The following KIAA1328 variants were observed in gnomAD, a reference collection of about 807,000 sequenced individuals.
KIAA1328 encodes KIAA1328.
KIAA1328 carries 52 observed loss-of-function variants against 68.1 expected under a neutral mutation model. The ratio of observed to expected loss-of-function variants is 0.76; its 90% CI spans 0.61 to 0.96. KIAA1328 has a LOEUF of 0.96. KIAA1328 is among the 40% of genes least tolerant of loss of function. The probability of loss-of-function intolerance (pLI) is 0.00; values close to 1 mark genes in which losing one functional copy is unlikely to be tolerated. For missense variants in KIAA1328, 641 were observed against 677.6 expected (o/e 0.95, Z 0.60); for synonymous variants, 232 against 239.4 (o/e 0.97, Z 0.28).
At chr18:37,039,953 G>A (rs956776024) in intron 6 of KIAA1328, among the ~76,000 whole-genome samples, 2 of 152,078 alleles carry the variant, frequency 1.3e-5, no homozygotes, top group Non-Finnish European at 2.9e-5. Flanking sequence ...TGCAATGTAG[G>A]GCTGAGGTCT....
chr18:36,994,096 G>T (rs1463649664), intron 6 of KIAA1328, among the ~76,000 whole-genome samples: 2 of 151,962 alleles, frequency 1.3e-5, no homozygotes, highest in Non-Finnish European at 2.9e-5. Flanking sequence ...TCCATTTCAA[G>T]AAAATTTATA....
At chr18:37,219,332 A>G (rs1014951073) in intron 9 of KIAA1328, among the ~76,000 whole-genome samples, 1 of 152,314 alleles carries the variant, frequency 6.6e-6, no homozygotes, top group South Asian at 2.1e-4. Context: ...GAGGTCAAAC[A>G]CCATGCTGGG....
At chr18:36,846,358 A>G (rs1045381312) in intron 4 of KIAA1328, among the ~76,000 whole-genome samples, 1 of 151,626 alleles carries the variant, frequency 6.6e-6, no homozygotes, top group Non-Finnish European at 1.5e-5. Flanking sequence ...ATTACAAGAC[A>G]TAACCTTTTT....
At chr18:36,872,336 C>T (rs539901667) in intron 4 of KIAA1328, among the ~76,000 whole-genome samples, 1 of 152,026 alleles carries the variant, frequency 6.6e-6, no homozygotes, top group Non-Finnish European at 1.5e-5. Flanking sequence ...TCACCTCAAC[C>T]AGGACCCCCA....
chr18:36,845,079 T>A (rs1448026594), intron 4 of KIAA1328, among the ~76,000 whole-genome samples: 1 of 151,770 alleles, frequency 6.6e-6, no homozygotes, highest in African/African-American at 2.4e-5. Context: ...TTAAAAAGAC[T>A]GAAGTTAAAA....
At chr18:37,079,741 G>T (rs940833576) in intron 7 of KIAA1328, among the ~76,000 whole-genome samples, 2 of 151,970 alleles carry the variant, frequency 1.3e-5, no homozygotes, top group East Asian at 1.9e-4. Context: ...ACAAAAATTA[G>T]CCAGGCATGG....
intron 7 of KIAA1328, among the ~76,000 whole-genome samples, chr18:37,151,433 T>C (rs538484994): frequency 6.6e-6 from 1 of 152,180 alleles, no homozygotes; most frequent in East Asian, 1.9e-4. Flanking sequence ...ATTCTGAAAT[T>C]TATATGGAAA....
chr18:37,010,646 ATGGAGATAAGCATTGTC>A (rs2053948765), intron 6 of KIAA1328, among the ~76,000 whole-genome samples: 1 of 152,074 alleles, frequency 6.6e-6, no homozygotes, highest in South Asian at 2.1e-4. Flanking sequence ...AGGGAAGGTG[ATGGAGATAAGCATTGTC>A]TGTACTGTGG....
At chr18:36,946,055 A>G (rs1345696552) in intron 5 of KIAA1328, among the ~76,000 whole-genome samples, 2 of 152,168 alleles carry the variant, frequency 1.3e-5, no homozygotes, top group East Asian at 3.9e-4. Context: ...TGCCCAAAAC[A>G]TTTCAGAGTT....
At chr18:37,008,370 G>T (rs1333291871) in intron 6 of KIAA1328, among the ~76,000 whole-genome samples, 1 of 152,220 alleles carries the variant, frequency 6.6e-6, no homozygotes, top group African/African-American at 2.4e-5. Context: ...GAAAGAACTC[G>T]TGGTGTAAAC....
intron 9 of KIAA1328, among the ~76,000 whole-genome samples, chr18:37,204,296 C>G (rs576962370): frequency 7.2e-5 from 11 of 152,082 alleles, no homozygotes; most frequent in Non-Finnish European, 1.5e-4. Flanking sequence ...AGAAAACATG[C>G]CTATTTTATT....
At chr18:36,944,672 G>C (rs2050836153) in intron 5 of KIAA1328, among the ~76,000 whole-genome samples, 1 of 152,154 alleles carries the variant, frequency 6.6e-6, no homozygotes, top group East Asian at 1.9e-4. Context: ...GATGGGTAAA[G>C]AAAAGGATAT....
At chr18:37,215,834 T>C (rs148785654) in intron 9 of KIAA1328, among the ~76,000 whole-genome samples, 3,583 of 152,320 alleles carry the variant, frequency 0.024, 124 homozygotes, top group African/African-American at 0.08. Context: ...GAGCCTGTTA[T>C]TGGTCTATTC....
At chr18:36,879,420 A>G (rs968283679) in intron 4 of KIAA1328, among the ~76,000 whole-genome samples, 12 of 152,290 alleles carry the variant, frequency 7.9e-5, no homozygotes, top group Admixed American at 5.2e-4. Flanking sequence ...GGCACCTGCC[A>G]GATGCCAGTC....
rs150151558 is a variant in KIAA1328 at position 36,849,500 on chromosome 18, A to G, written c.332+5198A>G. 3.3e-5 allele frequency among the ~76,000 whole-genome samples: 5 copies of G among 152,098 alleles called. No individual in the cohort carries two copies. The East Asian group carries it at 7.7e-4, about 23-fold the overall frequency. On this transcript the variant is annotated intron_variant, in intron 4 of 9. Transcript: ENST00000280020. ...GATTTGCTGACTCTGGTTATTCTAT[A>G]TAACTGGAATTATAGAATATGGGGC...
At chr18:37,004,609 G>C (rs1442973001) in intron 6 of KIAA1328, among the ~76,000 whole-genome samples, 1 of 152,028 alleles carries the variant, frequency 6.6e-6, no homozygotes, top group Non-Finnish European at 1.5e-5. Flanking sequence ...ATGGATGTTG[G>C]TGTGGATGCA....
intron 6 of KIAA1328, among the ~76,000 whole-genome samples, chr18:36,994,121 A>C (rs1356026188): frequency 1.3e-5 from 2 of 152,192 alleles, no homozygotes; most frequent in Non-Finnish European, 2.9e-5. Context: ...GTAGTAGTTT[A>C]ATTAAAATTA....
intron 6 of KIAA1328, among the ~76,000 whole-genome samples, chr18:37,046,680 T>G (rs1031252481): frequency 2.6e-5 from 4 of 152,208 alleles, no homozygotes; most frequent in African/African-American, 9.7e-5. Context: ...TTCCTATCAT[T>G]CATTCTTGCA....
At chr18:37,137,299 ACT>A (rs2058666932) in intron 7 of KIAA1328, among the ~76,000 whole-genome samples, 1 of 150,316 alleles carries the variant, frequency 6.7e-6, no homozygotes, top group South Asian at 2.1e-4. Flanking sequence ...CTTCCTCTCC[ACT>A]CTCATTCCTT....
Sources: allele counts gnomAD v4.1 joint callset (sites outside exome capture counted in the v4.1 genomes callset), GRCh38; gene constraint gnomAD v4.1.1; transcripts MANE v1.5; gene names NCBI Gene and HGNC (gene_info 2026-07-23, HGNC 2026-07-21).